The following PRKCE variants were observed in gnomAD, a reference collection of about 807,000 sequenced individuals.
PRKCE encodes the protein protein kinase C epsilon.
Under a neutral mutation model 85.4 loss-of-function variants are expected in PRKCE, and 16 were observed. The observed-to-expected ratio is 0.19, with a 90% CI of 0.13 to 0.28. The LOEUF is 0.28. Among genes scored for constraint, PRKCE ranks in the 10% least tolerant of loss-of-function variants. The pLI, the probability that PRKCE is intolerant of heterozygous loss-of-function variation, is 1.00. For synonymous variants in PRKCE, 388 were observed against 371.5 expected (o/e 1.04, Z -0.51); for missense variants, 573 against 975.2 (o/e 0.59, Z 5.49).
At chr2:45,999,555 T>C (rs1704498944) in intron 6 of PRKCE, among the ~76,000 whole-genome samples, 1 of 152,096 alleles carries the variant, frequency 6.6e-6, no homozygotes, top group Admixed American at 6.5e-5. Context: ...TTGGTATAGT[T>C]TTTTGTTGGT....
chr2:46,094,153 T>C (rs372191038), intron 11 of PRKCE, among the ~76,000 whole-genome samples: 1 of 152,224 alleles, frequency 6.6e-6, no homozygotes, highest in South Asian at 2.1e-4. Flanking sequence ...CCAGTCTAAA[T>C]GGTTACCTTC....
chr2:45,930,785 C>G (rs939218013), intron 2 of PRKCE, among the ~76,000 whole-genome samples: 1 of 152,146 alleles, frequency 6.6e-6, no homozygotes, highest in Non-Finnish European at 1.5e-5. Flanking sequence ...GATGTGCAGT[C>G]CCCCTAAGAG....
intron 14 of PRKCE, among the ~76,000 whole-genome samples, chr2:46,166,075 C>T (rs772048810): frequency 2.1e-4 from 32 of 152,096 alleles, no homozygotes; most frequent in Non-Finnish European, 4.4e-4. Context: ...CAGCCATCCG[C>T]GCTGCATGGC....
intron 1 of PRKCE, among the ~76,000 whole-genome samples, chr2:45,776,848 C>G (rs191492976): frequency 2.3e-4 from 35 of 152,318 alleles, no homozygotes; most frequent in Non-Finnish European, 3.7e-4. Flanking sequence ...TCCAAGCAAA[C>G]TCATTTGAAG....
intron 2 of PRKCE, among the ~76,000 whole-genome samples, chr2:45,942,968 T>G (rs934128625): frequency 2.6e-5 from 4 of 152,252 alleles, no homozygotes; most frequent in African/African-American, 9.6e-5. Context: ...AGAAGTTAGC[T>G]GCTGCTGTTC....
chr2:45,818,296 T>C (rs1467048527), intron 1 of PRKCE, among the ~76,000 whole-genome samples: 4 of 152,172 alleles, frequency 2.6e-5, no homozygotes, highest in Non-Finnish European at 5.9e-5. Flanking sequence ...GACTTGTAGA[T>C]TTCTATCTTT....
chr2:45,746,987 C>T (rs751948366), intron 1 of PRKCE, among the ~76,000 whole-genome samples: 8 of 152,186 alleles, frequency 5.3e-5, no homozygotes, highest in Non-Finnish European at 1.0e-4. Flanking sequence ...CAGTGTCCCA[C>T]CACTGTGCAA....
intron 2 of PRKCE, among the ~76,000 whole-genome samples, chr2:45,913,394 C>G (rs1304892463): frequency 1.3e-5 from 2 of 152,228 alleles, no homozygotes; most frequent in Non-Finnish European, 2.9e-5. Flanking sequence ...AAGCGATCCA[C>G]CCATCTTGGC....
At chr2:45,977,605 C>G (rs1702559187) in intron 3 of PRKCE, among the ~76,000 whole-genome samples, 1 of 151,374 alleles carries the variant, frequency 6.6e-6, no homozygotes, top group African/African-American at 2.4e-5. Flanking sequence ...ATACTATACT[C>G]CAACCTGGGT....
chr2:46,107,157 C>T (rs72808751), intron 11 of PRKCE, among the ~76,000 whole-genome samples: 14,584 of 152,212 alleles, frequency 0.096, 937 homozygotes, highest in Middle Eastern at 0.25. Context: ...CCAACTCTCT[C>T]CTCCTCCCTA....
chr2:45,687,288 G>GA (rs1381239859), intron 1 of PRKCE, among the ~76,000 whole-genome samples: 1 of 151,528 alleles, frequency 6.6e-6, no homozygotes, highest in Admixed American at 6.6e-5. Context: ...ATAACATAAT[G>GA]AAAAAATGGA....
chr2:46,018,480 A>AT (rs199865554), intron 10 of PRKCE, among the ~76,000 whole-genome samples: 2 of 151,832 alleles, frequency 1.3e-5, no homozygotes, highest in African/African-American at 2.4e-5. Flanking sequence ...AAAAAAAAAA[A>AT]TTTTTTTAAA....
chr2:46,108,960 CTT>C (rs34013455), intron 11 of PRKCE, among the ~76,000 whole-genome samples: 1 of 151,418 alleles, frequency 6.6e-6, no homozygotes, highest in Non-Finnish European at 1.5e-5. Context: ...CAAGACTGTT[CTT>C]TTTTTATTGC....
At chr2:45,667,379 A>T (rs756929526) in intron 1 of PRKCE, among the ~76,000 whole-genome samples, 3 of 152,020 alleles carry the variant, frequency 2.0e-5, no homozygotes, top group Non-Finnish European at 4.4e-5. Flanking sequence ...AACTCCTGGC[A>T]TCAAGTGATC....
chr2:45,684,306 A>T (rs1451323577), intron 1 of PRKCE, among the ~76,000 whole-genome samples: 1 of 152,218 alleles, frequency 6.6e-6, no homozygotes, highest in Non-Finnish European at 1.5e-5. Context: ...CTGGTGAAGA[A>T]ACCATGAGGA....
intron 1 of PRKCE, among the ~76,000 whole-genome samples, chr2:45,704,937 G>T (rs1678984487): frequency 6.6e-6 from 1 of 152,192 alleles, no homozygotes; most frequent in Non-Finnish European, 1.5e-5. Context: ...GTAATTCTCA[G>T]CCCCTTTCCT....
chr2:46,104,844 G>A (rs1671567821), intron 11 of PRKCE, among the ~76,000 whole-genome samples: 1 of 152,152 alleles, frequency 6.6e-6, no homozygotes, highest in African/African-American at 2.4e-5. Context: ...GGCGGCTGGG[G>A]TTTATCTTTT....
chr2:45,685,094 C>T (rs941961110), intron 1 of PRKCE, among the ~76,000 whole-genome samples: 1 of 152,128 alleles, frequency 6.6e-6, no homozygotes, highest in Non-Finnish European at 1.5e-5. Context: ...AATAAAAGGG[C>T]ACTTGAAACC....
intron 2 of PRKCE, among the ~76,000 whole-genome samples, chr2:45,939,041 T>C (rs898894806): frequency 6.6e-6 from 1 of 152,152 alleles, no homozygotes; most frequent in Admixed American, 6.5e-5. Flanking sequence ...CCCAGTGAAA[T>C]CCAGCCCACA....
Sources: allele counts gnomAD v4.1 joint callset (sites outside exome capture counted in the v4.1 genomes callset), GRCh38; gene constraint gnomAD v4.1.1; transcripts MANE v1.5; gene names NCBI Gene and HGNC (gene_info 2026-07-23, HGNC 2026-07-21).